The following SHISA9 variants were observed in gnomAD, a reference collection of about 807,000 sequenced individuals.
SHISA9 encodes shisa family member 9.
Under a neutral mutation model 38.0 loss-of-function variants are expected in SHISA9, and 13 were observed. That is an observed-to-expected ratio of 0.34 (90% confidence interval 0.22 to 0.54). The LOEUF (loss-of-function observed/expected upper bound fraction) is 0.54. Among genes scored for constraint, SHISA9 ranks in the 20% least tolerant of loss-of-function variants. SHISA9 has a pLI of 0.91. For missense variants in SHISA9, 538 were observed against 575.8 expected, an observed-to-expected ratio of 0.93 and a Z score of 0.67; for synonymous variants, 275 against 242.0, an observed-to-expected ratio of 1.14 and a Z score of -1.27.
At chr16:13,469,386 A>G in the SHISA9 span, among the ~76,000 whole-genome samples, 2 of 97,616 alleles carry the variant, frequency 2.0e-5, no homozygotes, top group Non-Finnish European at 4.5e-5. Flanking sequence ...AGAAAGAAAG[A>G]AAGAAAGAAA....
chr16:13,248,041 T>C, the SHISA9 span, among the ~76,000 whole-genome samples: 1 of 152,244 alleles, frequency 6.6e-6, no homozygotes, highest in Non-Finnish European at 1.5e-5. Context: ...TTGAGCTGAA[T>C]GTACTGGAAT....
intron 2 of SHISA9, among the ~76,000 whole-genome samples, chr16:13,165,996 G>T (rs534360767): frequency 2.2e-4 from 33 of 152,148 alleles, no homozygotes; most frequent in African/African-American, 7.7e-4. Context: ...TAATTCGCCA[G>T]CTACTGAATT....
intron 2 of SHISA9, among the ~76,000 whole-genome samples, chr16:13,005,394 A>G (rs934894802): frequency 4.6e-5 from 7 of 152,210 alleles, no homozygotes; most frequent in African/African-American, 1.7e-4. Flanking sequence ...TGAGGCGCCT[A>G]CTATGTGCCA....
At chr16:12,989,465 C>T (rs775798332) in intron 2 of SHISA9, among the ~76,000 whole-genome samples, 15 of 152,110 alleles carry the variant, frequency 9.9e-5, no homozygotes, top group Non-Finnish European at 1.8e-4. Flanking sequence ...AGGCATGAGC[C>T]ACTGCTTCTG....
intron 2 of SHISA9, among the ~76,000 whole-genome samples, chr16:13,130,521 C>T (rs1439898844): frequency 6.6e-6 from 1 of 152,144 alleles, no homozygotes; most frequent in Non-Finnish European, 1.5e-5. Flanking sequence ...TTCCAAAGTA[C>T]TTCACATATG....
the SHISA9 span, among the ~76,000 whole-genome samples, chr16:13,550,727 A>T: frequency 6.6e-6 from 1 of 152,210 alleles, no homozygotes; most frequent in African/African-American, 2.4e-5. Flanking sequence ...CGAATGGAGG[A>T]GGAACAAGTG....
At chr16:12,987,103 T>C (rs1468380264) in intron 2 of SHISA9, among the ~76,000 whole-genome samples, 3 of 152,124 alleles carry the variant, frequency 2.0e-5, no homozygotes, top group Non-Finnish European at 2.9e-5. Context: ...GGGAAGAGAA[T>C]TGTGGTCAGA....
the SHISA9 span, among the ~76,000 whole-genome samples, chr16:13,434,367 CCAAT>C: frequency 2.6e-5 from 4 of 151,346 alleles, no homozygotes; most frequent in African/African-American, 9.7e-5. Context: ...ATCCTTCAAT[CCAAT>C]CAAATTGGCG....
the SHISA9 span, among the ~76,000 whole-genome samples, chr16:13,319,493 A>G: frequency 6.6e-6 from 1 of 152,156 alleles, no homozygotes; most frequent in Admixed American, 6.5e-5. Flanking sequence ...TCGCACAAGA[A>G]TAAAGCTGGC....
the SHISA9 span, among the ~76,000 whole-genome samples, chr16:13,551,734 A>C: frequency 6.6e-6 from 1 of 152,186 alleles, no homozygotes; most frequent in African/African-American, 2.4e-5. Context: ...GTGAAAAAAA[A>C]GTACAATTGG....
chr16:13,248,157 T>A, the SHISA9 span, among the ~76,000 whole-genome samples: 1 of 152,172 alleles, frequency 6.6e-6, no homozygotes, highest in Non-Finnish European at 1.5e-5. Flanking sequence ...GCCATGAGAA[T>A]TTTCCTCATG....
At chr16:13,059,384 C>A (rs898867160) in intron 2 of SHISA9, among the ~76,000 whole-genome samples, 4 of 152,074 alleles carry the variant, frequency 2.6e-5, no homozygotes, top group African/African-American at 9.7e-5. Flanking sequence ...ACCTCGGCCT[C>A]CCAAAGTGCT....
chr16:13,411,601 C>A, the SHISA9 span, among the ~76,000 whole-genome samples: 1 of 152,212 alleles, frequency 6.6e-6, no homozygotes. Flanking sequence ...CATCCTGAGC[C>A]TGTTGTTTTC....
At chr16:12,946,400 T>C (rs770857726) in intron 2 of SHISA9, among the ~76,000 whole-genome samples, 1 of 152,166 alleles carries the variant, frequency 6.6e-6, no homozygotes, top group Non-Finnish European at 1.5e-5. Context: ...AGCATGGAGC[T>C]AGATTGTGTT....
the SHISA9 span, among the ~76,000 whole-genome samples, chr16:13,386,227 A>C: frequency 6.6e-6 from 1 of 152,220 alleles, no homozygotes; most frequent in Non-Finnish European, 1.5e-5. Context: ...TAATGTTATC[A>C]TTAGGAGAAA....
chr16:13,217,395 T>C (rs2051180603), intron 4 of SHISA9, among the ~76,000 whole-genome samples: 1 of 152,238 alleles, frequency 6.6e-6, no homozygotes, highest in African/African-American at 2.4e-5. Flanking sequence ...AATCTGTTTA[T>C]TTTGCAAACA....
intron 2 of SHISA9, among the ~76,000 whole-genome samples, chr16:13,121,850 C>A (rs868275696): frequency 6.9e-6 from 1 of 145,218 alleles, no homozygotes; most frequent in Non-Finnish European, 1.5e-5. Context: ...CACACACACA[C>A]ACACACACAC....
At chr16:13,328,977 G>C in the SHISA9 span, among the ~76,000 whole-genome samples, 11 of 152,102 alleles carry the variant, frequency 7.2e-5, no homozygotes, top group African/African-American at 2.2e-4. Context: ...CTGGAAGCTT[G>C]CACCGTTGAA....
At chr16:12,950,614 T>C (rs186635233) in intron 2 of SHISA9, among the ~76,000 whole-genome samples, 337 of 151,848 alleles carry the variant, frequency 2.2e-3, no homozygotes, top group Non-Finnish European at 3.5e-3. Context: ...GACCTTTTAA[T>C]TTGTTTTTTT....
Sources: allele counts gnomAD v4.1 joint callset (sites outside exome capture counted in the v4.1 genomes callset), GRCh38; gene constraint gnomAD v4.1.1; transcripts MANE v1.5; gene names NCBI Gene and HGNC (gene_info 2026-07-23, HGNC 2026-07-21).